TUT4: variants seen among roughly 807,000 people sequenced by gnomAD.
The protein encoded by TUT4 is terminal uridylyl transferase 4.
In TUT4, 36 loss-of-function variants were observed where a neutral mutation model predicts 192.2. The observed-to-expected ratio is 0.19, with a 90% CI of 0.14 to 0.25. TUT4 has a LOEUF of 0.25. TUT4 is among the 10% of genes least tolerant of loss of function. TUT4 has a pLI of 1.00. For missense variants in TUT4, 1,493 were observed against 1,957.2 expected, an observed-to-expected ratio of 0.76 and a Z score of 4.47; for synonymous variants, 618 against 666.0, an observed-to-expected ratio of 0.93 and a Z score of 1.11.
At chr1:52,542,765 A>ATTTT (rs553985195) in intron 1 of TUT4, among the ~76,000 whole-genome samples, 1 of 146,486 alleles carries the variant, frequency 6.8e-6, no homozygotes, top group African/African-American at 2.7e-5. Context: ...TTATTTATTT[A>ATTTT]TTTATTTTTT....
At chr1:52,537,144 T>C (rs755690660) in intron 1 of TUT4, among the ~76,000 whole-genome samples, 102 of 151,974 alleles carry the variant, frequency 6.7e-4, no homozygotes, top group Non-Finnish European at 1.3e-3. Context: ...GCCTGGGCAA[T>C]AATAGTGAAA....
At chr1:52,550,610 T>TC (rs1190012066) in intron 1 of TUT4, among the ~76,000 whole-genome samples, 1 of 147,782 alleles carries the variant, frequency 6.8e-6, no homozygotes, top group African/African-American at 2.5e-5. Flanking sequence ...CAGGCAAACC[T>TC]CCTACCTCAG....
At position 52,461,153 on chromosome 1, in the gene TUT4, G is replaced by T; in HGVS notation, c.3302C>A (p.Thr1101Asn). ...IDPRVQYLGY[T>N]MKVFAKRCDI... Reference sequence around the variant, plus strand: ...AAATACCTTAGCAAACACTTTCATAGTATATCCCAAATACTGCACTCTAGG... The same window carrying T: ...AAATACCTTAGCAAACACTTTCATATTATATCCCAAATACTGCACTCTAGG... The change falls in exon 19 of 30, where the codon ACT (threonine) becomes AAT (asparagine). Residue 1101 changes from threonine to asparagine, a missense_variant. Physicochemically the swap from Thr to Asn is moderately conservative, Grantham distance 65. Around this residue, in one of 7 missense-constraint regions of TUT4, gnomAD observed 141 missense variants for 382.7 expected, o/e 0.37. Transcript: ENST00000257177. The T allele has an allele frequency of 6.3e-7, 1 of 1,589,788 alleles. No individual in the cohort carries two copies.
intron 20 of TUT4, among the ~76,000 whole-genome samples, chr1:52,453,756 A>G (rs1437603361): frequency 2.0e-5 from 3 of 152,236 alleles, no homozygotes; most frequent in East Asian, 1.9e-4. Flanking sequence ...TAATGCAATG[A>G]AACAAGAAAA....
chr1:52,449,799 C>A (rs930508818), intron 20 of TUT4, among the ~76,000 whole-genome samples: 3 of 152,120 alleles, frequency 2.0e-5, no homozygotes, highest in African/African-American at 7.2e-5. Context: ...CCTTGAGATT[C>A]CCTGGCAACC....
At chr1:52,501,896 G>C (rs1212164764) in intron 4 of TUT4, among the ~76,000 whole-genome samples, 2 of 152,112 alleles carry the variant, frequency 1.3e-5, no homozygotes, top group African/African-American at 2.4e-5. Context: ...ACCTACAATA[G>C]ACAAGCAAAT....
In TUT4 at chr1:52,526,322, T is replaced by A. The variant is rs768870289; in HGVS notation, c.-42A>T. On this transcript the variant is annotated 5_prime_UTR_variant, in exon 2 of 30. Coordinates refer to ENST00000257177, the MANE Select transcript of TUT4 (RefSeq NM_001009881.3). ...TCTTTCCAATTGTGATATTATAAAA[T>A]GGCAGATCTCCAGTAGTTTAAATTG... The A allele has an allele frequency of 1.4e-6, 2 of 1,433,700 alleles. No individual in the cohort carries two copies. Among genetic ancestry groups the A allele is most frequent in the Non-Finnish European group, 1.8e-6 (2 of 1,099,888 alleles). 88.8% of individuals were successfully genotyped at this position (1,433,700 alleles called of 1,614,324 possible). A position where few individuals can be genotyped will look rare whatever the true frequency, so the allele number is the denominator to read the frequency against.
At chr1:52,469,847 C>T (rs1183891795) in intron 14 of TUT4, among the ~76,000 whole-genome samples, 2 of 147,038 alleles carry the variant, frequency 1.4e-5, no homozygotes, top group East Asian at 2.0e-4. Flanking sequence ...GCTGAGATGG[C>T]GCCACTGCAC....
At chr1:52,457,575 T>C (rs1000770140) in intron 20 of TUT4, among the ~76,000 whole-genome samples, 6 of 152,188 alleles carry the variant, frequency 3.9e-5, no homozygotes, top group Admixed American at 3.9e-4. Context: ...TCAAAGATTA[T>C]GTGAAACCAG....
At chr1:52,519,513 CT>C (rs200168317) in intron 2 of TUT4, among the ~76,000 whole-genome samples, 205 of 143,848 alleles carry the variant, frequency 1.4e-3, no homozygotes, top group East Asian at 7.4e-3. Context: ...GTAAAATATT[CT>C]TTTTTTTTTT....
chr1:52,430,344 G>A (rs1009071497), intron 28 of TUT4, among the ~76,000 whole-genome samples: 6 of 151,844 alleles, frequency 4.0e-5, no homozygotes, highest in South Asian at 4.2e-4. Context: ...GTGCAATGGC[G>A]CAATCTCGGC....
chr1:52,514,338 G>A (rs769516726), intron 3 of TUT4, among the ~76,000 whole-genome samples: 9 of 152,172 alleles, frequency 5.9e-5, no homozygotes, highest in Non-Finnish European at 1.3e-4. Flanking sequence ...CTACTTAAGA[G>A]GCTGAGGCAG....
At position 52,425,435 on chromosome 1, in the gene TUT4, G is replaced by A. The variant is rs202140479; in HGVS notation, c.4784C>T (p.Pro1595Leu). ...ATGCAAACCATAAGGCCACGAAGCT[G>A]GGACAAGGGGGAAATGGGGACGCGG... ...HAPRPHFPLV[P>L]ASWPYGLHQN... The change falls in exon 29 of 30, where the codon CCA (proline) becomes CTA (leucine). Residue 1595 changes from proline (P) to leucine (L), a missense_variant. Physicochemically the swap from Pro to Leu is moderately conservative, Grantham distance 98 (BLOSUM62 -3). This residue lies in a region of TUT4 where 351 missense variants were observed against 397.8 expected (regional missense o/e 0.88). Transcript: ENST00000257177. 6.2e-7 allele frequency: 1 copy of A among 1,614,030 alleles called. No individual in the cohort carries two copies.
In TUT4 at chr1:52,532,620, A is replaced by T. The variant is rs1003035259; in HGVS notation, c.-93-6247T>A. On this transcript the variant is annotated intron_variant, in intron 1 of 29. Transcript: ENST00000257177. ...GCTACCATGCCCGGCCTTACCTATT[A>T]TCTGCTAACTTCCTACATGAAAGGT... is the stretch of plus-strand genomic sequence containing the variant. Among the ~76,000 whole-genome samples, 8 of 152,212 alleles carry T rather than the reference A, an allele frequency of 5.3e-5. No homozygotes were observed. In the East Asian group the frequency reaches 1.5e-3, roughly 29 times the overall value.
At chr1:52,496,886 A>G in intron 5 of TUT4, 120 bp downstream of exon 5, 1 of 986,726 alleles carries the variant, frequency 1.0e-6, no homozygotes, top group Middle Eastern at 3.3e-4. Context: ...ATAAAACAAT[A>G]AATTTTATCT....
intron 8 of TUT4, among the ~76,000 whole-genome samples, chr1:52,489,341 C>T (rs1670573027): frequency 6.6e-6 from 1 of 152,124 alleles, no homozygotes; most frequent in South Asian, 2.1e-4. Flanking sequence ...TATGAATTAT[C>T]AAAACTGATA....
intron 20 of TUT4, among the ~76,000 whole-genome samples, chr1:52,453,418 G>C (rs1175447588): frequency 6.6e-6 from 1 of 151,450 alleles, no homozygotes; most frequent in Admixed American, 6.6e-5. Flanking sequence ...TTTTGGGTTT[G>C]AGTGTGTGTT....
intron 4 of TUT4, among the ~76,000 whole-genome samples, chr1:52,503,861 C>A (rs955657563): frequency 1.3e-5 from 2 of 152,184 alleles, no homozygotes; most frequent in African/African-American, 4.8e-5. Context: ...TCTTCCTCTA[C>A]TAGTCCCTTA....
chr1:52,441,809 T>C (rs1028867908), intron 24 of TUT4, among the ~76,000 whole-genome samples: 2 of 152,090 alleles, frequency 1.3e-5, no homozygotes, highest in Non-Finnish European at 2.9e-5. Flanking sequence ...GGTGGATACC[T>C]GAATTCATAT....
Sources: allele counts gnomAD v4.1 joint callset (sites outside exome capture counted in the v4.1 genomes callset), GRCh38; gene constraint gnomAD v4.1.1; regional missense constraint gnomAD v4.1.1; transcripts MANE v1.5; gene names NCBI Gene and HGNC (gene_info 2026-07-23, HGNC 2026-07-21).